Variants in WASF3 observed in about 807,000 individuals in gnomAD.
WASF3 encodes the protein actin-binding protein WASF3.
Under a neutral mutation model 46.6 loss-of-function variants are expected in WASF3, and 11 were observed. The observed-to-expected ratio is 0.24, with a 90% CI of 0.15 to 0.39. WASF3 has a LOEUF of 0.39. Among genes scored for constraint, WASF3 ranks in the 10% least tolerant of loss-of-function variants. WASF3 has a pLI of 1.00. For synonymous variants in WASF3, 242 were observed against 259.7 expected, an observed-to-expected ratio of 0.93 and a Z score of 0.65; for missense variants, 576 against 669.8, an observed-to-expected ratio of 0.86 and a Z score of 1.55.
chr13:26,550,807 C>G, the WASF3 span, among the ~76,000 whole-genome samples: 2 of 152,188 alleles, frequency 1.3e-5, no homozygotes, highest in African/African-American at 4.8e-5. Context: ...AGAAACTGAT[C>G]AGTGTCTGGT....
the WASF3 span, among the ~76,000 whole-genome samples, chr13:26,544,625 G>A: frequency 6.6e-6 from 1 of 152,242 alleles, no homozygotes; most frequent in Non-Finnish European, 1.5e-5. Flanking sequence ...TCACGATACA[G>A]GTAGTTTTTT....
Position 26,681,052 on chromosome 13 carries a change from A to G in WASF3, c.717-2A>G. 6.3e-7 allele frequency: 1 copy of G among 1,590,238 alleles called. No homozygotes were observed. ...CTCCCACCTCTTGTTTTCAAATGCC[A>G]GGTCACATGCATCGGACGTTACGGA... On this transcript the variant is annotated splice_acceptor_variant, in intron 7 of 9. Coordinates refer to ENST00000335327, the MANE Select transcript of WASF3 (RefSeq NM_006646.6). LOFTEE classifies it high-confidence loss of function.
At chr13:26,623,598 A>T (rs765344981) in intron 2 of WASF3, among the ~76,000 whole-genome samples, 1 of 152,202 alleles carries the variant, frequency 6.6e-6, no homozygotes, top group Admixed American at 6.5e-5. Flanking sequence ...GAACTCTTTC[A>T]TGCCCAAGAC....
In WASF3 at chr13:26,666,952, C is replaced by T. The variant is rs537757528; in HGVS notation, c.269-565C>T. ...AAGCACAAGAAAGAACTTTACCCAG[C>T]CCCAATTTTCTGAATCCTTAGTGTA... On this transcript the variant is annotated intron_variant, in intron 4 of 9. Transcript: ENST00000335327. 3.3e-5 allele frequency among the ~76,000 whole-genome samples: 5 copies of T among 151,540 alleles called. No individual in the cohort carries two copies. The South Asian group carries it at 8.3e-4, about 25-fold the overall frequency.
chr13:26,645,744 A>C (rs1882131390), intron 3 of WASF3, among the ~76,000 whole-genome samples: 1 of 152,192 alleles, frequency 6.6e-6, no homozygotes, highest in African/African-American at 2.4e-5. Context: ...AGAGAAACAG[A>C]AGTCAGTCAG....
At chr13:26,676,207 T>C (rs557734037) in intron 6 of WASF3, among the ~76,000 whole-genome samples, 1 of 152,218 alleles carries the variant, frequency 6.6e-6, no homozygotes, top group South Asian at 2.1e-4. Context: ...TTATGGTGTT[T>C]CCAGGTTGTT....
chr13:26,557,742 T>TGCGCCGGGCGGCC lies in WASF3; in HGVS notation c.-182_-170dup, dbSNP rs1879140352. The stretch of plus-strand genomic sequence containing the variant: ...TGCGTGCGGTGTGGTGCGAGGCGGG[T>TGCGCCGGGCGGCC]GCGCCGGGCGGCCGCGGCGCGGCGG... On this transcript the variant is annotated 5_prime_UTR_variant, in exon 1 of 10. Transcript: ENST00000335327. 1 of 214,632 alleles carries TGCGCCGGGCGGCC rather than the reference T, an allele frequency of 4.7e-6. No individual in the cohort carries two copies. The highest frequency in any genetic ancestry group is 9.0e-6 in the Non-Finnish European group (1 of 110,602). 13.3% of individuals were successfully genotyped at this position (214,632 alleles called of 1,614,324 possible).
rs527259398 is a variant in WASF3, at chr13:26,647,947, G to A, written c.133+5544G>A. 8.7e-4 allele frequency among the ~76,000 whole-genome samples: 131 copies of A among 151,366 alleles called. 1 individual carries two copies. The highest frequency in any genetic ancestry group is 3.1e-3 in the African/African-American group (127 of 41,500). ...TATGGTTTTATAGCCCATACTCACT[G>A]TACAGTAAACATCTGTATTCTTATA... On this transcript the variant is annotated intron_variant, in intron 3 of 9. Coordinates refer to ENST00000335327, the MANE Select transcript of WASF3 (RefSeq NM_006646.6).
intron 3 of WASF3, among the ~76,000 whole-genome samples, chr13:26,648,680 G>C (rs754600570): frequency 2.0e-5 from 3 of 152,148 alleles, no homozygotes; most frequent in Admixed American, 6.6e-5. Context: ...AGTTGACTGG[G>C]AGGAACACAG....
chr13:26,665,632 T>C (rs1882747970), intron 4 of WASF3, among the ~76,000 whole-genome samples: 1 of 152,202 alleles, frequency 6.6e-6, no homozygotes. Flanking sequence ...GTTAACCTTC[T>C]CAGAAATAGC....
At chr13:26,587,598 CTA>C (rs1218402999) in intron 1 of WASF3, among the ~76,000 whole-genome samples, 1 of 152,138 alleles carries the variant, frequency 6.6e-6, no homozygotes. Flanking sequence ...TCATAATTGA[CTA>C]TTATGATTGA....
At chr13:26,622,197 C>T (rs1396766537) in intron 2 of WASF3, among the ~76,000 whole-genome samples, 1 of 152,132 alleles carries the variant, frequency 6.6e-6, no homozygotes, top group Non-Finnish European at 1.5e-5. Flanking sequence ...GTTACCAGCA[C>T]ATAGAAGAGA....
intron 6 of WASF3, among the ~76,000 whole-genome samples, chr13:26,676,258 A>C (rs1186156758): frequency 6.6e-6 from 1 of 152,236 alleles, no homozygotes; most frequent in Non-Finnish European, 1.5e-5. Context: ...GTTTAGGTTT[A>C]AAACAAGTTA....
chr13:26,617,468 C>T (rs573919224), intron 2 of WASF3, among the ~76,000 whole-genome samples: 1 of 151,892 alleles, frequency 6.6e-6, no homozygotes, highest in Non-Finnish European at 1.5e-5. Context: ...CTTACAAAAC[C>T]CAAACAACTC....
intron 2 of WASF3, among the ~76,000 whole-genome samples, chr13:26,614,223 T>G (rs1881065968): frequency 6.6e-6 from 1 of 152,202 alleles, no homozygotes; most frequent in Admixed American, 6.5e-5. Context: ...TGCCTTGACC[T>G]TGGGCATATC....
intron 1 of WASF3, among the ~76,000 whole-genome samples, chr13:26,612,638 A>C (rs893960065): frequency 6.6e-6 from 1 of 152,198 alleles, no homozygotes; most frequent in African/African-American, 2.4e-5. Flanking sequence ...AACAAAACCT[A>C]AAATATATGT....
chr13:26,650,313 C>T (rs1179595655), intron 3 of WASF3, among the ~76,000 whole-genome samples: 1 of 152,160 alleles, frequency 6.6e-6, no homozygotes, highest in Non-Finnish European at 1.5e-5. Context: ...ACTCCCTTTT[C>T]ACTGCCCCTC....
rs200527731 is a variant in WASF3 at position 26,685,725 on chromosome 13, G to A, written c.1389G>A (p.Gln463=). The A allele has an allele frequency of 6.1e-5, 98 of 1,614,242 alleles. No individual in the cohort carries two copies. The East Asian group carries it at 2.1e-3, about 35-fold the overall frequency. The change falls in exon 10 of 10, where the codon CAG becomes CAA. Residue 463 remains glutamine, a synonymous_variant. Transcript: ENST00000335327. ...QLKKVQEQRE[Q]EAKREPVGND... ...AAAAGGTGCAGGAGCAGCGGGAGCA[G>A]GAGGCCAAGCGGGAGCCAGTGGGGA...
intron 1 of WASF3, among the ~76,000 whole-genome samples, chr13:26,567,725 C>A (rs996952044): frequency 1.3e-5 from 2 of 151,336 alleles, no homozygotes; most frequent in Non-Finnish European, 2.9e-5. Context: ...TATATATAAT[C>A]TCCCTTCACT....
Sources: gnomAD v4.1 joint callset for allele counts (sites outside exome capture counted in the v4.1 genomes callset) on GRCh38, gnomAD v4.1.1 for gene constraint, MANE v1.5 for transcripts, NCBI Gene and HGNC (gene_info 2026-07-23, HGNC 2026-07-21) for gene names.